The following TACR1 variants were observed in gnomAD, a reference collection of about 807,000 sequenced individuals.
The protein encoded by TACR1 is substance-P receptor.
In TACR1, 25 loss-of-function variants were observed where a neutral mutation model predicts 35.8. The ratio of observed to expected loss-of-function variants is 0.70; its 90% CI spans 0.51 to 0.98. TACR1 has a LOEUF of 0.98. Among genes scored for constraint, TACR1 ranks in the 50% least tolerant of loss-of-function variants. TACR1 has a pLI of 0.00. For synonymous variants in TACR1, 195 were observed against 206.7 expected, an observed-to-expected ratio of 0.94 and a Z score of 0.48; for missense variants, 478 against 522.9, an observed-to-expected ratio of 0.91 and a Z score of 0.84.
At chr2:75,070,881 A>G (rs368549158) in intron 2 of TACR1, among the ~76,000 whole-genome samples, 1 of 152,288 alleles carries the variant, frequency 6.6e-6, no homozygotes, top group South Asian at 2.1e-4. Context: ...GCCGCAAACT[A>G]TGGCCCCAGT....
At chr2:75,191,323 G>A (rs1675840893) in intron 1 of TACR1, among the ~76,000 whole-genome samples, 1 of 152,124 alleles carries the variant, frequency 6.6e-6, no homozygotes, top group Admixed American at 6.5e-5. Flanking sequence ...CCTCAGCAAG[G>A]ACAAGTAAAG....
chr2:75,145,930 T>G (rs1674500221), intron 1 of TACR1, among the ~76,000 whole-genome samples: 1 of 152,132 alleles, frequency 6.6e-6, no homozygotes, highest in Admixed American at 6.5e-5. Flanking sequence ...TGGGAGTTAC[T>G]ATTGTAGAGT....
chr2:75,088,905 C>A (rs1357982510), intron 2 of TACR1, among the ~76,000 whole-genome samples: 2 of 152,166 alleles, frequency 1.3e-5, no homozygotes, highest in Non-Finnish European at 2.9e-5. Flanking sequence ...GCTTTAGCTG[C>A]GTGTGGTTGT....
intron 1 of TACR1, among the ~76,000 whole-genome samples, chr2:75,124,756 A>G (rs773159823): frequency 6.6e-6 from 1 of 152,240 alleles, no homozygotes; most frequent in Non-Finnish European, 1.5e-5. Context: ...GGTAGGCTGC[A>G]TTTGGTCCCT....
intron 2 of TACR1, among the ~76,000 whole-genome samples, chr2:75,082,076 G>C (rs113927694): frequency 0.24 from 35,995 of 151,418 alleles, 5,360 homozygotes; most frequent in African/African-American, 0.38. Context: ...CCCACTCCCC[G>C]CACCCCACAA....
At chr2:75,094,055 AGTTTT>A (rs1452309433) in intron 2 of TACR1, among the ~76,000 whole-genome samples, 17 of 152,154 alleles carry the variant, frequency 1.1e-4, no homozygotes. Context: ...ACGTTTTCGT[AGTTTT>A]GTTTAAGATA....
intron 2 of TACR1, among the ~76,000 whole-genome samples, chr2:75,094,859 A>ATATATTTTTTTTTTTTTTTTTT: frequency 1.8e-5 from 2 of 113,134 alleles, no homozygotes; most frequent in African/African-American, 9.6e-5. Context: ...ATATATATAT[A>ATATATTTTTTTTTTTTTTTTTT]TTTTTTTTTT....
chr2:75,052,865 C>A (rs182959924), intron 3 of TACR1, among the ~76,000 whole-genome samples: 1 of 151,870 alleles, frequency 6.6e-6, no homozygotes, highest in Admixed American at 6.6e-5. Flanking sequence ...TTAAATGTTT[C>A]GTTTTGAACT....
At chr2:75,124,387 C>T (rs1003573952) in intron 1 of TACR1, among the ~76,000 whole-genome samples, 47 of 152,328 alleles carry the variant, frequency 3.1e-4, no homozygotes, top group African/African-American at 1.0e-3. Flanking sequence ...CTTTCCTCTA[C>T]GATGAGATTT....
intron 1 of TACR1, among the ~76,000 whole-genome samples, chr2:75,190,825 G>T (rs1675825025): frequency 6.6e-6 from 1 of 152,160 alleles, no homozygotes; most frequent in African/African-American, 2.4e-5. Context: ...CCAAAGGCTA[G>T]GAGTAAGTTT....
chr2:75,172,226 C>T (rs1039200983), intron 1 of TACR1, among the ~76,000 whole-genome samples: 1 of 152,102 alleles, frequency 6.6e-6, no homozygotes, highest in African/African-American at 2.4e-5. Flanking sequence ...CAAACAGGGG[C>T]CATTGAACAT....
At chr2:75,080,648 C>G (rs1310814887) in intron 2 of TACR1, among the ~76,000 whole-genome samples, 1 of 152,166 alleles carries the variant, frequency 6.6e-6, no homozygotes, top group East Asian at 1.9e-4. Context: ...CTCTTCTATT[C>G]ACCAATCTCA....
At chr2:75,154,746 G>C (rs967812496) in intron 1 of TACR1, among the ~76,000 whole-genome samples, 1 of 151,918 alleles carries the variant, frequency 6.6e-6, no homozygotes, top group Non-Finnish European at 1.5e-5. Context: ...TCTGGCCCCA[G>C]GTCTCTCCCT....
At chr2:75,175,662 T>C (rs1675394296) in intron 1 of TACR1, among the ~76,000 whole-genome samples, 1 of 152,100 alleles carries the variant, frequency 6.6e-6, no homozygotes, top group South Asian at 2.1e-4. Flanking sequence ...CCTTCCCACT[T>C]TCACTGCGAG....
At position 75,049,242 on chromosome 2, in the gene TACR1, G is replaced by T; in HGVS notation, c.*190C>A. 1.6e-6 allele frequency: 1 copy of T among 635,804 alleles called. No homozygotes were observed. Among genetic ancestry groups the T allele is most frequent in the Non-Finnish European group, 2.7e-6 (1 of 374,066 alleles). The allele number at this position is 635,804 out of a possible 1,614,324, so 39.4% of individuals were successfully genotyped here. On this transcript the variant is annotated 3_prime_UTR_variant, in exon 5 of 5. Coordinates refer to ENST00000305249, the MANE Select transcript of TACR1 (RefSeq NM_001058.4). ...TTTGGTTTGAGTCACACAGCATGAGGGTGGCAAAGATAGGGAAGAATTGAG... is the reference window on the plus strand; with the variant it reads ...TTTGGTTTGAGTCACACAGCATGAGTGTGGCAAAGATAGGGAAGAATTGAG...
At position 75,092,902 on chromosome 2, in the gene TACR1, C is replaced by T. The variant is rs564990145; in HGVS notation, c.584+27672G>A. Reference sequence around the variant, plus strand: ...CCATTCAGTGAGAGTTGCAAAGATACGGAGAAATGGAATTAAAGCTATCAA... The same window carrying T: ...CCATTCAGTGAGAGTTGCAAAGATATGGAGAAATGGAATTAAAGCTATCAA... On this transcript the variant is annotated intron_variant, in intron 2 of 4. Transcript: ENST00000305249. Among the ~76,000 whole-genome samples the T allele has an allele frequency of 1.1e-3, 170 of 152,192 alleles. 1 individual carries two copies. Among genetic ancestry groups the T allele is most frequent in the African/African-American group, 3.8e-3 (157 of 41,524 alleles).
intron 1 of TACR1, among the ~76,000 whole-genome samples, chr2:75,147,738 T>A (rs1674543957): frequency 6.9e-6 from 1 of 144,212 alleles, no homozygotes; most frequent in Non-Finnish European, 1.5e-5. Context: ...AAGGACATGA[T>A]CTCATTCCTT....
chr2:75,120,265 A>G (rs1673941265), intron 2 of TACR1, among the ~76,000 whole-genome samples: 1 of 152,152 alleles, frequency 6.6e-6, no homozygotes, highest in East Asian at 1.9e-4. Flanking sequence ...TCCTAGGCAA[A>G]GAAAGGCAGA....
At chr2:75,053,285 G>A (rs1672505497) in intron 3 of TACR1, among the ~76,000 whole-genome samples, 1 of 151,998 alleles carries the variant, frequency 6.6e-6, no homozygotes, top group Non-Finnish European at 1.5e-5. Context: ...CCACGTGAAT[G>A]TATTATCTTG....
Sources: allele counts gnomAD v4.1 joint callset (sites outside exome capture counted in the v4.1 genomes callset), GRCh38; gene constraint gnomAD v4.1.1; transcripts MANE v1.5; gene names NCBI Gene and HGNC (gene_info 2026-07-23, HGNC 2026-07-21).